Variants in NBEA observed in about 807,000 individuals in gnomAD.
NBEA encodes the protein neurobeachin.
A neutral mutation model predicts 343.4 loss-of-function variants in NBEA; 44 were observed. That is an observed-to-expected ratio of 0.13 (90% confidence interval 0.10 to 0.16). The LOEUF (loss-of-function observed/expected upper bound fraction) is 0.16, where lower values mean the gene tolerates loss of function less well. Ranked by LOEUF, NBEA falls within the 10% of genes least tolerant of loss-of-function variation. The probability of loss-of-function intolerance (pLI) is 1.00; values close to 1 mark genes in which losing one functional copy is unlikely to be tolerated. For missense variants in NBEA, 2,555 were observed against 3,631.3 expected, an observed-to-expected ratio of 0.70 and a Z score of 7.62; for synonymous variants, 1,175 against 1,238.7, an observed-to-expected ratio of 0.95 and a Z score of 1.08.
intron 1 of NBEA, among the ~76,000 whole-genome samples, chr13:34,944,235 A>G (rs1422162316): frequency 1.3e-5 from 2 of 152,220 alleles, no homozygotes; most frequent in Non-Finnish European, 1.5e-5. Flanking sequence ...ATATAACAAT[A>G]TGCTTACAGG....
chr13:35,414,284 G>A (rs149777280), intron 38 of NBEA, among the ~76,000 whole-genome samples: 2,089 of 152,190 alleles, frequency 0.014, 41 homozygotes, highest in African/African-American at 0.048. Context: ...ACAACGTGCA[G>A]GTTTGGTACA....
intron 48 of NBEA, among the ~76,000 whole-genome samples, chr13:35,607,521 A>T (rs1297417935): frequency 6.6e-6 from 1 of 152,182 alleles, no homozygotes; most frequent in African/African-American, 2.4e-5. Flanking sequence ...CTCTTGAATT[A>T]CATCAATAAA....
At chr13:35,421,760 A>G (rs1242236792) in intron 38 of NBEA, among the ~76,000 whole-genome samples, 2 of 152,046 alleles carry the variant, frequency 1.3e-5, no homozygotes, top group Admixed American at 6.6e-5. Context: ...TTCACTTGTT[A>G]TTTCTGGAGG....
intron 28 of NBEA, among the ~76,000 whole-genome samples, chr13:35,177,610 GA>G (rs1388157677): frequency 2.6e-5 from 4 of 151,802 alleles, no homozygotes; most frequent in Admixed American, 6.6e-5. Flanking sequence ...AAAAGATGAA[GA>G]GGTTTCATGG....
intron 10 of NBEA, among the ~76,000 whole-genome samples, chr13:35,080,930 A>C (rs190846375): frequency 2.0e-5 from 3 of 151,916 alleles, no homozygotes; most frequent in Non-Finnish European, 4.4e-5. Flanking sequence ...CCTTCCAGCA[A>C]CTCTTGGTGG....
chr13:35,619,906 A>G (rs1182495569), intron 48 of NBEA, among the ~76,000 whole-genome samples: 1 of 152,162 alleles, frequency 6.6e-6, no homozygotes, highest in African/African-American at 2.4e-5. Context: ...ATGGCCATGG[A>G]TCCTACTCTA....
intron 21 of NBEA, 120 bp from the exon 22 acceptor site, chr13:35,158,896 T>G (rs1256227615): frequency 1.1e-5 from 10 of 893,346 alleles, no homozygotes; most frequent in African/African-American, 1.7e-5. Context: ...AAATGCCAGC[T>G]TTGAAGTCTT....
chr13:35,013,401 T>C (rs976397713), intron 1 of NBEA, among the ~76,000 whole-genome samples: 1 of 152,058 alleles, frequency 6.6e-6, no homozygotes, highest in African/African-American at 2.4e-5. Flanking sequence ...AGCTCAGAGA[T>C]ACACTTCGGA....
intron 38 of NBEA, among the ~76,000 whole-genome samples, chr13:35,380,408 G>C (rs1437914537): frequency 1.3e-5 from 2 of 152,030 alleles, no homozygotes; most frequent in Admixed American, 1.3e-4. Context: ...TCACGCCACT[G>C]CACTCCAGCC....
rs146883247 is a variant in NBEA, at chr13:35,517,329, A to G, written c.6586-33148A>G. Reference sequence around the variant, plus strand: ...TTCGTGCTTTAAACTTTCACTGTGTACAGATAATCCCAAAGGTACTTCTCT... The same window carrying G: ...TTCGTGCTTTAAACTTTCACTGTGTGCAGATAATCCCAAAGGTACTTCTCT... On this transcript the variant is annotated intron_variant, in intron 41 of 58. Transcript: ENST00000379939. Among the ~76,000 whole-genome samples the G allele has an allele frequency of 3.7e-4, 57 of 152,294 alleles. 1 individual carries two copies. Among genetic ancestry groups the G allele is most frequent in the African/African-American group, 1.3e-3 (54 of 41,560 alleles).
At chr13:35,595,625 A>C (rs2081757431) in intron 47 of NBEA, among the ~76,000 whole-genome samples, 2 of 152,142 alleles carry the variant, frequency 1.3e-5, no homozygotes, top group South Asian at 4.1e-4. Context: ...ATCTTTGCAC[A>C]GACATCCTGA....
chr13:35,376,361 G>A (rs542094877), intron 38 of NBEA, among the ~76,000 whole-genome samples: 1 of 152,124 alleles, frequency 6.6e-6, no homozygotes, highest in African/African-American at 2.4e-5. Context: ...AAATTTAATT[G>A]CACTGCTATA....
At chr13:35,537,864 C>T (rs914159802) in intron 41 of NBEA, among the ~76,000 whole-genome samples, 1 of 152,130 alleles carries the variant, frequency 6.6e-6, no homozygotes, top group African/African-American at 2.4e-5. Context: ...CACCACTAAC[C>T]CCATCCCATC....
At chr13:35,630,437 A>G (rs1172424013) in intron 49 of NBEA, among the ~76,000 whole-genome samples, 1 of 152,176 alleles carries the variant, frequency 6.6e-6, no homozygotes, top group Non-Finnish European at 1.5e-5. Flanking sequence ...GAATGATTCA[A>G]GCATATGTTG....
In NBEA at chr13:35,594,784, C is replaced by T. The variant is rs186131730; in HGVS notation, c.7296+1337C>T. Among the ~76,000 whole-genome samples, 15 of 152,082 alleles carry T rather than the reference C, an allele frequency of 9.9e-5. No individual in the cohort carries two copies. The East Asian group carries it at 2.7e-3, about 27-fold the overall frequency. On this transcript the variant is annotated intron_variant, in intron 47 of 58. Coordinates refer to ENST00000379939, the MANE Select transcript of NBEA (RefSeq NM_001385012.1). Reference sequence around the variant, plus strand: ...TAGTATCCAGAATTCACACAATGTTCATAAAAGGCACTCAAATATTTTGTA... The same window carrying T: ...TAGTATCCAGAATTCACACAATGTTTATAAAAGGCACTCAAATATTTTGTA...
intron 39 of NBEA, among the ~76,000 whole-genome samples, chr13:35,448,585 T>G (rs931758879): frequency 6.6e-6 from 1 of 152,182 alleles, no homozygotes; most frequent in Non-Finnish European, 1.5e-5. Context: ...TGCTAAGTAC[T>G]GAGAATACCA....
intron 48 of NBEA, among the ~76,000 whole-genome samples, chr13:35,610,872 AT>A (rs899930353): frequency 2.6e-5 from 4 of 152,094 alleles, no homozygotes; most frequent in South Asian, 2.1e-4. Flanking sequence ...TAGATAATTA[AT>A]TTTTTTAAAG....
chr13:35,247,663 C>G (rs1324060201), intron 34 of NBEA, among the ~76,000 whole-genome samples: 1 of 152,072 alleles, frequency 6.6e-6, no homozygotes, highest in Non-Finnish European at 1.5e-5. Context: ...AGGAGCAATC[C>G]ACTTCCTTCA....
intron 41 of NBEA, among the ~76,000 whole-genome samples, chr13:35,490,105 G>C (rs2076449244): frequency 6.6e-6 from 1 of 151,780 alleles, no homozygotes; most frequent in Admixed American, 6.6e-5. Flanking sequence ...GTTCAGATCT[G>C]GTAGCTTACT....
Sources: allele counts gnomAD v4.1 joint callset (sites outside exome capture counted in the v4.1 genomes callset), GRCh38; gene constraint gnomAD v4.1.1; transcripts MANE v1.5; gene names NCBI Gene and HGNC (gene_info 2026-07-23, HGNC 2026-07-21).